PCBP3: variants seen among roughly 807,000 people sequenced by gnomAD.
PCBP3 encodes the protein poly(rC)-binding protein 3.
Under a neutral mutation model 52.7 loss-of-function variants are expected in PCBP3, and 25 were observed. The ratio of observed to expected loss-of-function variants is 0.47; its 90% CI spans 0.35 to 0.66. The LOEUF (loss-of-function observed/expected upper bound fraction) is 0.66, where lower values mean the gene tolerates loss of function less well. PCBP3 is among the 30% of genes least tolerant of loss of function. PCBP3 has a pLI of 0.01. For synonymous variants in PCBP3, 162 were observed against 183.0 expected (o/e 0.89, Z 0.93); for missense variants, 391 against 490.3 (o/e 0.80, Z 1.91).
rs377532334 is a variant in PCBP3 at position 45,867,675 on chromosome 21, C to G, written c.10+17580C>G. 3.0e-3 allele frequency among the ~76,000 whole-genome samples: 455 copies of G among 152,380 alleles called. 1 individual carries two copies. The highest frequency in any genetic ancestry group is 0.01 in the African/African-American group (419 of 41,598). Reference sequence around the variant, plus strand: ...TCCAGGCTCGCTGTAGCTGCAGGAGCTCTGGGGGCTGCGCCCATCGTGGAG... The same window carrying G: ...TCCAGGCTCGCTGTAGCTGCAGGAGGTCTGGGGGCTGCGCCCATCGTGGAG... On this transcript the variant is annotated intron_variant, in intron 5 of 17. Coordinates refer to ENST00000681687, the MANE Select transcript of PCBP3 (RefSeq NM_001384156.1).
Position 45,853,045 on chromosome 21 carries a change from G to T in PCBP3, c.10+2950G>T, listed in dbSNP as rs1275208806. ...CCACAGCTGAGACCAGCAGGAGCGG[G>T]CAGTGGACTCGCACCAGGCATTGGG... On this transcript the variant is annotated intron_variant, in intron 5 of 17. Coordinates refer to ENST00000681687, the MANE Select transcript of PCBP3 (RefSeq NM_001384156.1). This position sits in a 1 kb window ranked among gnomAD's most constrained non-coding sequence, Gnocchi z 4.6. Among the ~76,000 whole-genome samples, 3 of 152,226 alleles carry T rather than the reference G, an allele frequency of 2.0e-5. No homozygotes were observed. Among genetic ancestry groups the T allele is most frequent in the Non-Finnish European group, 4.4e-5 (3 of 68,052 alleles).
intron 3 of PCBP3, chr21:45,751,680 G>A (rs1338812980): frequency 6.6e-6 from 1 of 152,264 alleles, no homozygotes. Flanking sequence ...GCCTTAGCGG[G>A]GTGATTGCTG....
intron 4 of PCBP3, among the ~76,000 whole-genome samples, chr21:45,810,826 T>G (rs1286607806): frequency 6.6e-6 from 1 of 152,190 alleles, no homozygotes; most frequent in Non-Finnish European, 1.5e-5. Context: ...GACAACAACT[T>G]TCATTTTTTA....
intron 9 of PCBP3, among the ~76,000 whole-genome samples, chr21:45,902,483 T>C (rs144499923): frequency 1.3e-3 from 194 of 152,356 alleles, no homozygotes; most frequent in Middle Eastern, 6.8e-3. Flanking sequence ...GTTGCCTTTT[T>C]GGTCAGCTGT....
At chr21:45,783,608 A>G (rs2090816152) in intron 4 of PCBP3, among the ~76,000 whole-genome samples, 1 of 152,146 alleles carries the variant, frequency 6.6e-6, no homozygotes, top group Non-Finnish European at 1.5e-5. Flanking sequence ...TAGGGTGAGG[A>G]CGGGATTTTA....
intron 4 of PCBP3, chr21:45,848,417 G>C (rs1192482059): frequency 6.6e-6 from 1 of 152,282 alleles, no homozygotes; most frequent in Non-Finnish European, 1.5e-5. Flanking sequence ...TGCCGTGAAC[G>C]GAGAGGGTGA....
intron 4 of PCBP3, among the ~76,000 whole-genome samples, chr21:45,842,680 G>A (rs906630620): frequency 1.8e-4 from 27 of 152,142 alleles, no homozygotes; most frequent in Admixed American, 1.0e-3. Context: ...CTTCTGTTTC[G>A]GCCTCTGTTG....
chr21:45,703,076 C>T (rs554500757), intron 2 of PCBP3, among the ~76,000 whole-genome samples: 16 of 152,196 alleles, frequency 1.1e-4, no homozygotes, highest in African/African-American at 3.6e-4. Flanking sequence ...TCTTCAGGCT[C>T]CACTTCTAAT....
chr21:45,769,393 G>A (rs535480341), intron 4 of PCBP3, among the ~76,000 whole-genome samples: 22 of 152,352 alleles, frequency 1.4e-4, no homozygotes, highest in African/African-American at 4.8e-4. Context: ...TAGAAGACGC[G>A]GGTGCTCACG....
intron 2 of PCBP3, among the ~76,000 whole-genome samples, chr21:45,707,921 C>A (rs553127797): frequency 6.6e-6 from 1 of 152,272 alleles, no homozygotes; most frequent in Admixed American, 6.5e-5. Context: ...CACATGTAGC[C>A]CCAGGAAGCT....
intron 4 of PCBP3, among the ~76,000 whole-genome samples, chr21:45,807,830 G>T (rs369179323): frequency 6.6e-6 from 1 of 151,596 alleles, no homozygotes; most frequent in Non-Finnish European, 1.5e-5. Flanking sequence ...AACCAAAACA[G>T]CATGGTACCA....
chr21:45,648,583 G>C (rs1053162845), intron 1 of PCBP3, among the ~76,000 whole-genome samples: 1 of 152,222 alleles, frequency 6.6e-6, no homozygotes, highest in African/African-American at 2.4e-5. Context: ...TGGTGTCACA[G>C]GCTAGGCCCA....
chr21:45,917,641 C>CT lies in PCBP3; in HGVS notation c.717+15dup. ...TCCCTCACCCGGATGTGAGTCTTCACTTTGTCTTCCTCTCACCTTTCTCTT... is the reference window on the plus strand; with the variant it reads ...TCCCTCACCCGGATGTGAGTCTTCACTTTTGTCTTCCTCTCACCTTTCTCTT... On this transcript the variant is annotated intron_variant, in intron 13 of 17. Transcript: ENST00000681687. The surrounding 1 kb of genome is among the most constrained non-coding windows in gnomAD (Gnocchi z 5.3). 6.2e-7 allele frequency: 1 copy of CT among 1,605,620 alleles called. No homozygotes were observed. The highest frequency in any genetic ancestry group is 8.5e-7 in the Non-Finnish European group (1 of 1,172,288).
chr21:45,924,029 G>A (rs1343012679), intron 13 of PCBP3, among the ~76,000 whole-genome samples: 1 of 118,650 alleles, frequency 8.4e-6, no homozygotes, highest in Non-Finnish European at 1.7e-5. Context: ...GAGGAGATGC[G>A]AACACCGGGA....
chr21:45,901,249 C>T (rs957326070), intron 9 of PCBP3, 136 bp downstream of exon 9: 2 of 684,092 alleles, frequency 2.9e-6, no homozygotes, highest in Admixed American at 2.0e-5. Context: ...CTACGCTCAC[C>T]TCCTTTGCCT....
chr21:45,801,918 A>T (rs2092319390), intron 4 of PCBP3, among the ~76,000 whole-genome samples: 1 of 152,184 alleles, frequency 6.6e-6, no homozygotes, highest in African/African-American at 2.4e-5. Context: ...TCTGCAGGTT[A>T]ATCATGTTTG....
intron 17 of PCBP3, among the ~76,000 whole-genome samples, chr21:45,941,086 T>G (rs1203647443): frequency 1.3e-5 from 2 of 152,146 alleles, no homozygotes; most frequent in East Asian, 3.9e-4. Flanking sequence ...CCCCCGACTT[T>G]ACCCACTGAT....
intron 2 of PCBP3, among the ~76,000 whole-genome samples, chr21:45,709,344 T>C (rs1372876266): frequency 6.6e-6 from 1 of 152,228 alleles, no homozygotes; most frequent in Non-Finnish European, 1.5e-5. Flanking sequence ...ACACTCTATA[T>C]CTTAGATACA....
At chr21:45,767,190 T>C (rs1350025234) in intron 4 of PCBP3, among the ~76,000 whole-genome samples, 3 of 152,018 alleles carry the variant, frequency 2.0e-5, no homozygotes, top group Non-Finnish European at 4.4e-5. Flanking sequence ...AGTAAAGCCC[T>C]GTGCCCGTTA....
Sources: allele counts gnomAD v4.1 joint callset (sites outside exome capture counted in the v4.1 genomes callset), GRCh38; gene constraint gnomAD v4.1.1; non-coding constraint Gnocchi (gnomAD v3.1); transcripts MANE v1.5; gene names NCBI Gene and HGNC (gene_info 2026-07-23, HGNC 2026-07-21).